The following TRABD2A variants were observed in gnomAD, a reference collection of about 807,000 sequenced individuals.
TRABD2A encodes the protein TraB domain containing 2A.
A neutral mutation model predicts 45.6 loss-of-function variants in TRABD2A; 43 were observed. That is an observed-to-expected ratio of 0.94 (90% CI 0.74 to 1.22). The LOEUF (loss-of-function observed/expected upper bound fraction) is 1.22. Among genes scored for constraint, TRABD2A ranks in the 50% most tolerant of loss-of-function variants. The pLI, the probability that TRABD2A is intolerant of heterozygous loss-of-function variation, is 0.00. For missense variants in TRABD2A, 642 were observed against 652.4 expected, an observed-to-expected ratio of 0.98 and a Z score of 0.17; for synonymous variants, 269 against 265.0, an observed-to-expected ratio of 1.02 and a Z score of -0.15.
intron 1 of TRABD2A, among the ~76,000 whole-genome samples, chr2:84,875,702 G>T: frequency 6.6e-6 from 1 of 152,160 alleles, no homozygotes; most frequent in Admixed American, 6.5e-5. Flanking sequence ...TCAAATTCCA[G>T]ATGTAGTCTA....
At chr2:84,877,537 G>A (rs1423866356) in intron 1 of TRABD2A, among the ~76,000 whole-genome samples, 2 of 152,120 alleles carry the variant, frequency 1.3e-5, no homozygotes, top group African/African-American at 2.4e-5. Flanking sequence ...GCCTGGAGTT[G>A]AAGGTTACAA....
At position 84,822,095 on chromosome 2, in the gene TRABD2A, A is replaced by G. The variant is rs1412069273; in HGVS notation, c.1340T>C (p.Ile447Thr). ...DLWVRLEESD[I>T]VPQLQVPVLD... The stretch of plus-strand genomic sequence containing the variant: ...GACAGGGACCTGGAGTTGCGGGACT[A>G]TGTCACTAGGAGGCAAAGAGAAAGA... Residue 447 changes from isoleucine to threonine, a missense_variant, in exon 7 of 7, where the codon ATA becomes ACA. Physicochemically the swap from Ile to Thr is moderately conservative, Grantham distance 89 (BLOSUM62 -1). Coordinates refer to ENST00000409520, the MANE Select transcript of TRABD2A (RefSeq NM_001277053.2). 4 of 1,570,278 alleles carry G rather than the reference A, an allele frequency of 2.5e-6. No individual in the cohort carries two copies. The highest frequency in any genetic ancestry group is 1.7e-6 in the Non-Finnish European group (2 of 1,156,774).
At chr2:84,838,623 T>A (rs1018073102) in intron 4 of TRABD2A, among the ~76,000 whole-genome samples, 2 of 152,234 alleles carry the variant, frequency 1.3e-5, no homozygotes, top group African/African-American at 2.4e-5. Flanking sequence ...CCTCATTTCC[T>A]GAGGCTGCAA....
intron 2 of TRABD2A, among the ~76,000 whole-genome samples, chr2:84,855,787 GGAGA>G (rs1682277826): frequency 6.6e-6 from 1 of 152,138 alleles, no homozygotes; most frequent in African/African-American, 2.4e-5. Context: ...TCAGCTGTGG[GGAGA>G]CCCAAGTCCC....
chr2:84,879,413 C>T (rs1206909265), intron 1 of TRABD2A, among the ~76,000 whole-genome samples: 1 of 152,052 alleles, frequency 6.6e-6, no homozygotes, highest in Admixed American at 6.6e-5. Flanking sequence ...AACTCCTGGG[C>T]TCAAGTGATC....
intron 5 of TRABD2A, among the ~76,000 whole-genome samples, chr2:84,825,884 A>AGGATT (rs1270924879): frequency 2.0e-5 from 3 of 152,000 alleles, no homozygotes; most frequent in African/African-American, 7.2e-5. Context: ...TCGGTTGCAC[A>AGGATT]CTCCTTATGA....
At chr2:84,836,138 C>T (rs573743030) in intron 4 of TRABD2A, 1 of 152,334 alleles carries the variant, frequency 6.6e-6, no homozygotes, top group South Asian at 2.1e-4. Context: ...GCATCAGACC[C>T]AGACTCAGAC....
intron 1 of TRABD2A, among the ~76,000 whole-genome samples, chr2:84,880,535 A>G (rs1683165675): frequency 6.6e-6 from 1 of 152,264 alleles, no homozygotes; most frequent in Non-Finnish European, 1.5e-5. Flanking sequence ...TTTTGATAAG[A>G]GCAGGTGAAA....
At chr2:84,863,882 T>A (rs537787161) in intron 2 of TRABD2A, among the ~76,000 whole-genome samples, 1 of 152,250 alleles carries the variant, frequency 6.6e-6, no homozygotes, top group African/African-American at 2.4e-5. Flanking sequence ...GTTCACATAT[T>A]TTTCCTAGGC....
intron 2 of TRABD2A, among the ~76,000 whole-genome samples, chr2:84,858,681 C>T (rs1168471794): frequency 6.6e-6 from 1 of 152,176 alleles, no homozygotes; most frequent in African/African-American, 2.4e-5. Flanking sequence ...TTTTCAGGCT[C>T]TTCAATCAAT....
chr2:84,831,938 G>A, intron 5 of TRABD2A, 117 bp downstream of exon 5: 2 of 971,760 alleles, frequency 2.1e-6, no homozygotes, highest in Admixed American at 3.9e-5. Flanking sequence ...CAAGTGTGGG[G>A]GAAATGACGA....
rs1203278245 is a variant in TRABD2A at position 84,856,640 on chromosome 2, C to G, written c.669+13585G>C. 6.6e-5 allele frequency among the ~76,000 whole-genome samples: 10 copies of G among 152,292 alleles called. No individual in the cohort carries two copies. In the East Asian group the frequency reaches 1.7e-3, roughly 26 times the overall value. On this transcript the variant is annotated intron_variant, in intron 2 of 6. Coordinates refer to ENST00000409520, the MANE Select transcript of TRABD2A (RefSeq NM_001277053.2). ...GGTTCCTGAACACCAGGAGGGCACA[C>G]AGCCTGGAAGAATGCACATGGCCAG...
At chr2:84,824,264 C>T (rs977967617) in intron 5 of TRABD2A, 60 bp from the exon 6 acceptor site, 1 of 1,595,186 alleles carries the variant, frequency 6.3e-7, no homozygotes, top group Non-Finnish European at 8.5e-7. Flanking sequence ...GGCGCCCTCC[C>T]CAGCTCTCTT....
At chr2:84,867,114 A>G (rs1050989792) in intron 2 of TRABD2A, among the ~76,000 whole-genome samples, 3 of 152,132 alleles carry the variant, frequency 2.0e-5, no homozygotes, top group Non-Finnish European at 4.4e-5. Context: ...TGAGTATTTT[A>G]CTGTTTATCT....
chr2:84,863,332 C>A (rs1432870282), intron 2 of TRABD2A, among the ~76,000 whole-genome samples: 1 of 147,768 alleles, frequency 6.8e-6, no homozygotes, highest in Non-Finnish European at 1.5e-5. Flanking sequence ...GCAAGCTCCG[C>A]CTCCTGGGTT....
At chr2:84,880,903 G>C (rs749436211) in intron 1 of TRABD2A, 29 bp downstream of exon 1, 3 of 1,565,774 alleles carry the variant, frequency 1.9e-6, no homozygotes, top group South Asian at 1.2e-5. Context: ...CAGAGAGGCC[G>C]GCTCTCCAGC....
At position 84,821,978 on chromosome 2, in the gene TRABD2A, A is replaced by T; in HGVS notation, c.1457T>A (p.Leu486His). ...QMVASSACLS[L>H]WTPVFWVLVL... is the part of the protein sequence containing the mutation. ...CAGCACCCAGAACACAGGAGTCCAGAGAGACAGGCAGGCACTGCTGGCCAC... is the reference window on the plus strand; with the variant it reads ...CAGCACCCAGAACACAGGAGTCCAGTGAGACAGGCAGGCACTGCTGGCCAC... The change falls in exon 7 of 7, where the codon CTC (leucine) becomes CAC (histidine). Residue 486 changes from leucine (L) to histidine (H), a missense_variant. Coordinates refer to ENST00000409520, the MANE Select transcript of TRABD2A (RefSeq NM_001277053.2). The T allele has an allele frequency of 1.6e-5, 26 of 1,604,436 alleles. No individual in the cohort carries two copies. The highest frequency in any genetic ancestry group is 2.2e-5 in the Non-Finnish European group (26 of 1,175,678).
intron 2 of TRABD2A, among the ~76,000 whole-genome samples, chr2:84,868,070 C>A (rs1438526368): frequency 6.6e-6 from 1 of 152,164 alleles, no homozygotes; most frequent in Non-Finnish European, 1.5e-5. Context: ...TTTGGCCCAG[C>A]CATGCCATTA....
intron 2 of TRABD2A, among the ~76,000 whole-genome samples, chr2:84,862,165 C>T (rs1183746432): frequency 6.6e-6 from 1 of 152,206 alleles, no homozygotes; most frequent in Non-Finnish European, 1.5e-5. Flanking sequence ...TGGAGGATCC[C>T]AGTACAACTT....
Sources: allele counts gnomAD v4.1 joint callset (sites outside exome capture counted in the v4.1 genomes callset), GRCh38; gene constraint gnomAD v4.1.1; transcripts MANE v1.5; gene names NCBI Gene and HGNC (gene_info 2026-07-23, HGNC 2026-07-21).